Variants in IL1RAPL2 observed in about 807,000 individuals in gnomAD.
IL1RAPL2 encodes the protein interleukin 1 receptor accessory protein like 2.
Under a neutral mutation model 44.1 loss-of-function variants are expected in IL1RAPL2, and 3 were observed. The ratio of observed to expected loss-of-function variants is 0.07; its 90% confidence interval spans 0.03 to 0.18. The LOEUF (loss-of-function observed/expected upper bound fraction) is 0.18, where lower values mean the gene tolerates loss of function less well. IL1RAPL2 is among the 10% of genes least tolerant of loss of function. The pLI is 1.00. For synonymous variants in IL1RAPL2, 181 were observed against 178.8 expected (o/e 1.01, Z -0.10); for missense variants, 391 against 496.4 (o/e 0.79, Z 2.02).
intron 5 of IL1RAPL2, among the ~76,000 whole-genome samples, chrX:105,276,162 T>C (rs1033501619): frequency 9.8e-5 from 11 of 112,247 alleles, no homozygotes; most frequent in Non-Finnish European, 1.7e-4. Flanking sequence ...TCCCACCACT[T>C]TGGGAGACCG....
chrX:105,233,238 A>C (rs1435504930), intron 3 of IL1RAPL2, among the ~76,000 whole-genome samples: 6 of 111,653 alleles, frequency 5.4e-5, no homozygotes, highest in Non-Finnish European at 1.1e-4. Context: ...GAGCAGAGAT[A>C]GCGCCACTGC....
chrX:105,569,535 G>A (rs2036999448), intron 6 of IL1RAPL2, among the ~76,000 whole-genome samples: 1 of 111,507 alleles, frequency 9.0e-6, no homozygotes, highest in South Asian at 3.7e-4. Flanking sequence ...AATTGCCAGT[G>A]CTCAGCTCCA....
At chrX:105,161,052 C>A (rs932858978) in intron 2 of IL1RAPL2, among the ~76,000 whole-genome samples, 1 of 110,150 alleles carries the variant, frequency 9.1e-6, no homozygotes, top group Non-Finnish European at 1.9e-5. Context: ...CCAGCCTGGG[C>A]AACATAGTAA....
At chrX:105,604,976 A>G (rs1349956367) in intron 6 of IL1RAPL2, among the ~76,000 whole-genome samples, 2 of 111,074 alleles carry the variant, frequency 1.8e-5, no homozygotes, top group Non-Finnish European at 3.8e-5. Flanking sequence ...GTATGCATAG[A>G]AAGAATGCAC....
At chrX:105,702,725 C>T (rs2038130016) in intron 6 of IL1RAPL2, among the ~76,000 whole-genome samples, 1 of 111,616 alleles carries the variant, frequency 9.0e-6, no homozygotes, top group African/African-American at 3.3e-5. Flanking sequence ...GGACTCCAAA[C>T]TTAGTGTACA....
chrX:105,077,325 C>G (rs1251446241), intron 2 of IL1RAPL2, among the ~76,000 whole-genome samples: 1 of 111,443 alleles, frequency 9.0e-6, no homozygotes, highest in African/African-American at 3.3e-5. Context: ...CTGGATATGA[C>G]ATTCTGGGTT....
chrX:105,408,893 G>A (rs192513257), intron 5 of IL1RAPL2, among the ~76,000 whole-genome samples: 104 of 108,099 alleles, frequency 9.6e-4, no homozygotes, highest in African/African-American at 3.4e-3. Flanking sequence ...AAAAAAAAGA[G>A]TGAAACCCAG....
intron 4 of IL1RAPL2, among the ~76,000 whole-genome samples, chrX:105,239,450 A>T (rs995365503): frequency 8.1e-5 from 9 of 111,486 alleles, no homozygotes; most frequent in Admixed American, 1.9e-4. Flanking sequence ...CATGATGTAG[A>T]TTAAAAGGAG....
chrX:105,435,572 A>G (rs954307398), intron 5 of IL1RAPL2, among the ~76,000 whole-genome samples: 11 of 111,936 alleles, frequency 9.8e-5, no homozygotes, highest in Non-Finnish European at 1.9e-4. Context: ...AAATCATTCT[A>G]TTATAAAAAT....
chrX:105,045,429 A>G (rs758541477), intron 2 of IL1RAPL2, among the ~76,000 whole-genome samples: 1 of 112,440 alleles, frequency 8.9e-6, no homozygotes, highest in African/African-American at 3.2e-5. Flanking sequence ...ACATCAGAAG[A>G]AAAAGAGCAG....
chrX:105,764,332 G>C (rs1178903709), intron 10 of IL1RAPL2, among the ~76,000 whole-genome samples: 2 of 111,645 alleles, frequency 1.8e-5, no homozygotes, highest in African/African-American at 6.5e-5. Context: ...TGGATGAAAG[G>C]GGAGAACCAT....
chrX:104,837,174 T>G (rs1038886788), intron 2 of IL1RAPL2, among the ~76,000 whole-genome samples: 13 of 111,724 alleles, frequency 1.2e-4, no homozygotes, highest in Non-Finnish European at 2.1e-4. Context: ...TTGTAAATAA[T>G]GCTGCAATAA....
chrX:104,831,286 A>C (rs541637502), intron 2 of IL1RAPL2, among the ~76,000 whole-genome samples: 2 of 111,704 alleles, frequency 1.8e-5, no homozygotes, highest in South Asian at 7.4e-4. Flanking sequence ...TAAATCACTA[A>C]ATTTAAAGAT....
chrX:105,619,285 A>G (rs1170362120), intron 6 of IL1RAPL2, among the ~76,000 whole-genome samples: 1 of 110,408 alleles, frequency 9.1e-6, no homozygotes, highest in Non-Finnish European at 1.9e-5. Flanking sequence ...AATAAAGGTA[A>G]GATTGATTAT....
chrX:105,399,694 T>G (rs773450372), intron 5 of IL1RAPL2, among the ~76,000 whole-genome samples: 3 of 111,693 alleles, frequency 2.7e-5, no homozygotes, highest in Non-Finnish European at 5.7e-5. Context: ...TGATGCTATT[T>G]TAATTTTTCA....
chrX:104,582,796 CCTCT>C (rs1335989065), intron 1 of IL1RAPL2, among the ~76,000 whole-genome samples: 3 of 64,591 alleles, frequency 4.6e-5, no homozygotes, highest in Admixed American at 1.9e-4. Context: ...TCTTTCTTTC[CCTCT>C]CTCTCTTTCT....
chrX:105,275,817 T>A (rs746638940), intron 5 of IL1RAPL2, among the ~76,000 whole-genome samples: 1 of 111,114 alleles, frequency 9.0e-6, no homozygotes, highest in South Asian at 3.9e-4. Context: ...CAGCTAGGAC[T>A]AGAATCCCCA....
At chrX:105,452,034 A>G (rs746969387) in intron 5 of IL1RAPL2, among the ~76,000 whole-genome samples, 2 of 111,491 alleles carry the variant, frequency 1.8e-5, no homozygotes, top group Non-Finnish European at 3.8e-5. Context: ...TACATTTCCA[A>G]TTGTACCTCT....
chrX:104,891,586 G>T (rs1215310799), intron 2 of IL1RAPL2, among the ~76,000 whole-genome samples: 2 of 111,303 alleles, frequency 1.8e-5, no homozygotes, highest in Non-Finnish European at 3.8e-5. Flanking sequence ...TCATGATTTG[G>T]CTCCTGTTTG....
Sources: gnomAD v4.1 joint callset for allele counts (sites outside exome capture counted in the v4.1 genomes callset) on GRCh38, gnomAD v4.1.1 for gene constraint, MANE v1.5 for transcripts, NCBI Gene and HGNC (gene_info 2026-07-23, HGNC 2026-07-21) for gene names.